The following IGSF11 variants were observed in gnomAD, a reference collection of about 807,000 sequenced individuals.
The protein encoded by IGSF11 is CXADR like 1.
Under a neutral mutation model 41.0 loss-of-function variants are expected in IGSF11, and 22 were observed. That is an observed-to-expected ratio of 0.54 (90% confidence interval 0.38 to 0.77). The LOEUF is 0.77. Among genes scored for constraint, IGSF11 ranks in the 30% least tolerant of loss-of-function variants. IGSF11 has a pLI of 0.00. For missense variants in IGSF11, 444 were observed against 530.8 expected, an observed-to-expected ratio of 0.84 and a Z score of 1.61; for synonymous variants, 219 against 201.3, an observed-to-expected ratio of 1.09 and a Z score of -0.74.
intron 1 of IGSF11, among the ~76,000 whole-genome samples, chr3:119,055,846 C>T (rs1306261954): frequency 2.0e-5 from 3 of 152,172 alleles, no homozygotes; most frequent in Non-Finnish European, 4.4e-5. Flanking sequence ...TACATGGAAA[C>T]TGAACAACCT....
chr3:118,986,705 T>C (rs956262424), intron 1 of IGSF11, among the ~76,000 whole-genome samples: 2 of 152,298 alleles, frequency 1.3e-5, no homozygotes, highest in Middle Eastern at 3.4e-3. Context: ...CCTTCCAGGA[T>C]TTTCTAGCTG....
At chr3:118,958,934 GTCA>G (rs957597162) in intron 1 of IGSF11, among the ~76,000 whole-genome samples, 9 of 152,170 alleles carry the variant, frequency 5.9e-5, no homozygotes, top group African/African-American at 2.2e-4. Flanking sequence ...ATTAATAGAA[GTCA>G]TCATTTCATT....
chr3:118,928,365 G>A (rs1301278130), intron 3 of IGSF11, 144 bp downstream of exon 3: 4 of 627,562 alleles, frequency 6.4e-6, no homozygotes, highest in Non-Finnish European at 1.1e-5. Context: ...GAAGCATGGA[G>A]AAGGAGAGAA....
chr3:119,098,053 G>C (rs1052248042), intron 1 of IGSF11, among the ~76,000 whole-genome samples: 12 of 137,100 alleles, frequency 8.8e-5, no homozygotes, highest in Non-Finnish European at 1.5e-4. Flanking sequence ...TCACACCTCA[G>C]CCTCCCAAAG....
intron 1 of IGSF11, among the ~76,000 whole-genome samples, chr3:119,011,357 G>C (rs778770540): frequency 6.6e-6 from 1 of 152,180 alleles, no homozygotes; most frequent in African/African-American, 2.4e-5. Flanking sequence ...GAGAGACCAA[G>C]AGAAGGAGAA....
intron 1 of IGSF11, among the ~76,000 whole-genome samples, chr3:119,094,834 G>A (rs1012799778): frequency 2.0e-5 from 3 of 152,088 alleles, no homozygotes; most frequent in Non-Finnish European, 2.9e-5. Flanking sequence ...ACCACACCCA[G>A]CTAATTTTTG....
At chr3:119,004,405 A>G (rs1404182268) in intron 1 of IGSF11, among the ~76,000 whole-genome samples, 2 of 151,520 alleles carry the variant, frequency 1.3e-5, no homozygotes, top group Admixed American at 6.6e-5. Context: ...GATCCTTTCA[A>G]AAAACCAGCT....
At chr3:119,131,222 G>C (rs1256638691) in intron 1 of IGSF11, among the ~76,000 whole-genome samples, 1 of 152,164 alleles carries the variant, frequency 6.6e-6, no homozygotes, top group Non-Finnish European at 1.5e-5. Flanking sequence ...GACAGAAGTA[G>C]GGTTCAGAAG....
intron 1 of IGSF11, among the ~76,000 whole-genome samples, chr3:119,123,533 A>T (rs2077360982): frequency 6.6e-6 from 1 of 152,238 alleles, no homozygotes; most frequent in Admixed American, 6.5e-5. Flanking sequence ...GGGAGTGATT[A>T]CAGCAAGCCT....
At chr3:119,023,436 C>T (rs771332839) in intron 1 of IGSF11, among the ~76,000 whole-genome samples, 7 of 152,094 alleles carry the variant, frequency 4.6e-5, no homozygotes, top group Non-Finnish European at 1.0e-4. Flanking sequence ...CAGCATAGTG[C>T]TGCTACAATT....
At chr3:118,904,224 C>A (rs1184894465) in intron 6 of IGSF11, among the ~76,000 whole-genome samples, 2 of 152,180 alleles carry the variant, frequency 1.3e-5, no homozygotes, top group East Asian at 1.9e-4. Flanking sequence ...GTCTGAACTA[C>A]CTTTCTGAGC....
chr3:119,073,627 C>G (rs1002270012), intron 1 of IGSF11, among the ~76,000 whole-genome samples: 2 of 152,196 alleles, frequency 1.3e-5, no homozygotes, highest in Non-Finnish European at 2.9e-5. Flanking sequence ...GGCGCACGCT[C>G]TGCAGTTGCT....
At chr3:119,083,864 A>AT (rs1170363970) in intron 1 of IGSF11, among the ~76,000 whole-genome samples, 1 of 152,198 alleles carries the variant, frequency 6.6e-6, no homozygotes, top group Non-Finnish European at 1.5e-5. Context: ...CCTTCTATTT[A>AT]TTTTTTTTAA....
chr3:119,064,154 G>A (rs1942145070), intron 1 of IGSF11, among the ~76,000 whole-genome samples: 1 of 152,154 alleles, frequency 6.6e-6, no homozygotes, highest in South Asian at 2.1e-4. Flanking sequence ...AAGTCAGAAA[G>A]AAGTTCTCCT....
At position 119,075,623 on chromosome 3, in the gene IGSF11, C is replaced by A. The variant is rs915876628; in HGVS notation, c.49+29521G>T. On this transcript the variant is annotated intron_variant, in intron 1 of 6. Transcript: ENST00000354673. The stretch of plus-strand genomic sequence containing the variant: ...TCAAGCATCACATCAAAAAGCTAAT[C>A]CCACTGTAATCAAGTAGGCTTTATT... Among the ~76,000 whole-genome samples the A allele has an allele frequency of 3.3e-5, 5 of 152,224 alleles. 1 individual carries two copies. Among genetic ancestry groups the A allele is most frequent in the East Asian group, 3.9e-4 (2 of 5,172 alleles).
In IGSF11 at chr3:118,902,666, C is replaced by A; in HGVS notation, c.1150G>T (p.Val384Leu). 6.2e-7 allele frequency: 1 copy of A among 1,614,100 alleles called. No individual in the cohort carries two copies. Among genetic ancestry groups the A allele is most frequent in the Non-Finnish European group, 8.5e-7 (1 of 1,180,002 alleles). Residue 384 changes from valine (V) to leucine (L), a missense_variant, in exon 7 of 7, where the codon GTG becomes TTG. This residue lies in a region of IGSF11 where 223 missense variants were observed against 226.2 expected (regional missense o/e 0.99). Transcript: ENST00000393775. ...ACTGAGCCATTGCTCCTGGACATCA[C>A]CTGTGGTGATGACCCTCTGTTGGCT... ...VTANRGSSPQ[V>L]MSRSNGSVSR...
intron 1 of IGSF11, among the ~76,000 whole-genome samples, chr3:119,058,822 T>C (rs375111831): frequency 2.6e-5 from 4 of 152,126 alleles, no homozygotes; most frequent in Non-Finnish European, 4.4e-5. Context: ...ATGTCCTTTG[T>C]AGGGACATGG....
chr3:118,914,978 AC>A (rs988351152), intron 4 of IGSF11, among the ~76,000 whole-genome samples: 20 of 141,842 alleles, frequency 1.4e-4, no homozygotes, highest in African/African-American at 5.3e-4. Context: ...ACTGGGAGGC[AC>A]CCCCCAGCAG....
intron 1 of IGSF11, among the ~76,000 whole-genome samples, chr3:119,083,228 G>A (rs1005700416): frequency 5.4e-5 from 8 of 149,352 alleles, no homozygotes; most frequent in Non-Finnish European, 8.9e-5. Flanking sequence ...CGTGGGCTCA[G>A]CCCACCTCAG....
Sources: gnomAD v4.1 joint callset for allele counts (sites outside exome capture counted in the v4.1 genomes callset) on GRCh38, gnomAD v4.1.1 for gene constraint, gnomAD v4.1.1 regional missense constraint, MANE v1.5 for transcripts, NCBI Gene and HGNC (gene_info 2026-07-23, HGNC 2026-07-21) for gene names.